Variants in SAMD4A observed in about 807,000 individuals in gnomAD.
SAMD4A encodes protein Smaug homolog 1.
A neutral mutation model predicts 81.3 loss-of-function variants in SAMD4A; 33 were observed. The ratio of observed to expected loss-of-function variants is 0.41; its 90% CI spans 0.31 to 0.54. The LOEUF (loss-of-function observed/expected upper bound fraction) is 0.54, where lower values mean the gene tolerates loss of function less well. SAMD4A is among the 20% of genes least tolerant of loss of function. SAMD4A has a pLI of 0.37. For synonymous variants in SAMD4A, 389 were observed against 382.1 expected, an observed-to-expected ratio of 1.02 and a Z score of -0.21; for missense variants, 854 against 951.1, an observed-to-expected ratio of 0.90 and a Z score of 1.34.
chr14:54,634,351 A>G (rs1478278370), intron 2 of SAMD4A, among the ~76,000 whole-genome samples: 1 of 151,768 alleles, frequency 6.6e-6, no homozygotes, highest in African/African-American at 2.4e-5. Flanking sequence ...AATAGGACCC[A>G]TTGGAAGGGG....
intron 3 of SAMD4A, among the ~76,000 whole-genome samples, chr14:54,726,649 G>T (rs1034561307): frequency 2.0e-5 from 3 of 152,148 alleles, no homozygotes; most frequent in African/African-American, 4.8e-5. Flanking sequence ...CAGTGCAGTG[G>T]TTCTTGACCC....
At chr14:54,671,849 G>C (rs368787358) in intron 2 of SAMD4A, among the ~76,000 whole-genome samples, 1 of 152,022 alleles carries the variant, frequency 6.6e-6, no homozygotes, top group Admixed American at 6.5e-5. Context: ...GAAGAGGTGC[G>C]ACAGGGCCCT....
intron 6 of SAMD4A, among the ~76,000 whole-genome samples, chr14:54,757,159 T>G (rs2038261045): frequency 2.0e-5 from 3 of 152,194 alleles, no homozygotes; most frequent in Admixed American, 2.0e-4. Flanking sequence ...TGTTTTGAGT[T>G]CAGGAATTCA....
intron 3 of SAMD4A, 70 bp from the exon 4 acceptor site, chr14:54,736,954 A>G: frequency 6.5e-7 from 1 of 1,541,352 alleles, no homozygotes; most frequent in Non-Finnish European, 8.9e-7. Context: ...GTTAAGAGGT[A>G]TTGTGGGTTC....
chr14:54,583,426 G>T (rs766332354), intron 2 of SAMD4A, among the ~76,000 whole-genome samples: 9 of 152,116 alleles, frequency 5.9e-5, no homozygotes, highest in Non-Finnish European at 1.3e-4. Context: ...GCCTGTAGGA[G>T]GTGTTCATCT....
chr14:54,753,037 G>C (rs912585753), intron 6 of SAMD4A, among the ~76,000 whole-genome samples: 40 of 152,236 alleles, frequency 2.6e-4, no homozygotes, highest in South Asian at 2.1e-4. Flanking sequence ...TCCTATATCA[G>C]AATTGAACAA....
chr14:54,565,505 G>A (rs1434603091), upstream of SAMD4A, among the ~76,000 whole-genome samples: 3 of 152,210 alleles, frequency 2.0e-5, no homozygotes, highest in Admixed American at 2.0e-4. The surrounding 1 kb of genome is among the most constrained non-coding windows in gnomAD (Gnocchi z 5.4). Context: ...CCTAGCGCCT[G>A]GGCAGGTCCA....
At chr14:54,673,489 G>C (rs1014542504) in intron 2 of SAMD4A, among the ~76,000 whole-genome samples, 2 of 152,202 alleles carry the variant, frequency 1.3e-5, no homozygotes, top group Admixed American at 6.5e-5. Flanking sequence ...TGACGGCAGC[G>C]TCAGCATAGC....
intron 2 of SAMD4A, among the ~76,000 whole-genome samples, chr14:54,625,216 A>G (rs958531905): frequency 6.6e-6 from 1 of 152,244 alleles, no homozygotes. Flanking sequence ...AATTCTATAA[A>G]TATTTCTGTA....
intron 2 of SAMD4A, among the ~76,000 whole-genome samples, chr14:54,575,985 ATTTC>A (rs1566528303): frequency 3.2e-5 from 4 of 123,196 alleles, no homozygotes; most frequent in East Asian, 3.5e-4. Flanking sequence ...TCCAGGAAAG[ATTTC>A]TTTCTTTCTT....
intron 2 of SAMD4A, among the ~76,000 whole-genome samples, chr14:54,659,178 TTA>T (rs1331032689): frequency 3.9e-5 from 6 of 152,234 alleles, no homozygotes; most frequent in African/African-American, 1.4e-4. Context: ...CAGCCTTTTT[TTA>T]TGCCCAGACA....
intron 8 of SAMD4A, among the ~76,000 whole-genome samples, chr14:54,768,447 G>A (rs747430569): frequency 5.3e-5 from 8 of 152,208 alleles, no homozygotes; most frequent in Non-Finnish European, 1.0e-4. Context: ...AGAGGGGCAT[G>A]CGTAAAGGCG....
chr14:54,696,674 C>T (rs2140705947), intron 2 of SAMD4A, among the ~76,000 whole-genome samples: 1 of 152,322 alleles, frequency 6.6e-6, no homozygotes, highest in East Asian at 1.9e-4. Context: ...CACTCTTTGT[C>T]ACTCCAAAAA....
chr14:54,750,157 C>G (rs905717749), intron 5 of SAMD4A, among the ~76,000 whole-genome samples: 1 of 152,048 alleles, frequency 6.6e-6, no homozygotes, highest in Non-Finnish European at 1.5e-5. Context: ...ATCAGTTGTT[C>G]GACTTGAGGA....
intron 5 of SAMD4A, 24 bp downstream of exon 5, chr14:54,748,948 CCT>C (rs1273585717): frequency 2.6e-6 from 4 of 1,509,958 alleles, no homozygotes; most frequent in Non-Finnish European, 3.6e-6. Context: ...GTGACTGTTC[CCT>C]GAGAGGGTGC....
intron 5 of SAMD4A, 105 bp from the exon 6 acceptor site, chr14:54,751,345 AT>A: frequency 2.8e-6 from 2 of 704,182 alleles, no homozygotes; most frequent in Non-Finnish European, 2.4e-6. Flanking sequence ...GCCCGTGAAC[AT>A]ATAGGAGCAA....
At chr14:54,788,197 T>G (rs2039188687) in intron 12 of SAMD4A, among the ~76,000 whole-genome samples, 1 of 152,218 alleles carries the variant, frequency 6.6e-6, no homozygotes, top group African/African-American at 2.4e-5. Flanking sequence ...TTGGGTCAGA[T>G]GTGTCCATCC....
At chr14:54,683,436 T>A (rs117665377) in intron 2 of SAMD4A, among the ~76,000 whole-genome samples, 1,914 of 152,282 alleles carry the variant, frequency 0.013, 24 homozygotes, top group South Asian at 0.049. Context: ...AGATCAGGAA[T>A]CCAGAATGAC....
chr14:54,619,479 A>G (rs963567114), intron 2 of SAMD4A, among the ~76,000 whole-genome samples: 1 of 152,240 alleles, frequency 6.6e-6, no homozygotes, highest in African/African-American at 2.4e-5. Context: ...AACCAAGGGC[A>G]TGTTAAGAAA....
Sources: allele counts gnomAD v4.1 joint callset (sites outside exome capture counted in the v4.1 genomes callset), GRCh38; gene constraint gnomAD v4.1.1; non-coding constraint Gnocchi (gnomAD v3.1); transcripts MANE v1.5; gene names NCBI Gene and HGNC (gene_info 2026-07-23, HGNC 2026-07-21).